The following PIK3R1 variants were observed in gnomAD, a reference collection of about 807,000 sequenced individuals.
PIK3R1 encodes the protein phosphatidylinositol 3-kinase regulatory subunit alpha.
Under a neutral mutation model 98.0 loss-of-function variants are expected in PIK3R1, and 29 were observed. That is an observed-to-expected ratio of 0.30 (90% CI 0.22 to 0.40). The LOEUF (loss-of-function observed/expected upper bound fraction) is 0.40. Ranked by LOEUF, PIK3R1 falls within the 10% of genes least tolerant of loss-of-function variation. PIK3R1 has a pLI of 1.00. For synonymous variants in PIK3R1, 282 were observed against 311.8 expected (o/e 0.90, Z 1.01); for missense variants, 596 against 872.7 (o/e 0.68, Z 3.99).
intron 2 of PIK3R1, among the ~76,000 whole-genome samples, chr5:68,265,961 C>T (rs565725102): frequency 7.2e-5 from 11 of 152,262 alleles, no homozygotes; most frequent in Non-Finnish European, 1.6e-4. Flanking sequence ...TCCATCCAGG[C>T]TTTCTTAAGA....
At chr5:68,227,785 G>A (rs988755814) in intron 2 of PIK3R1, among the ~76,000 whole-genome samples, 2 of 152,164 alleles carry the variant, frequency 1.3e-5, no homozygotes, top group Non-Finnish European at 2.9e-5. Context: ...AGTGTCATTT[G>A]TAGCATTAAT....
chr5:68,221,382 A>C (rs1475373686), intron 1 of PIK3R1, among the ~76,000 whole-genome samples: 3 of 152,100 alleles, frequency 2.0e-5, no homozygotes, highest in African/African-American at 7.2e-5. Flanking sequence ...CTTGACCTAG[A>C]CTCTGAACTA....
chr5:68,290,793 G>A, intron 7 of PIK3R1: 1 of 1,613,444 alleles, frequency 6.2e-7, no homozygotes, highest in Non-Finnish European at 8.5e-7. Flanking sequence ...GATATAAATT[G>A]TGGCACAGAC....
intron 4 of PIK3R1, among the ~76,000 whole-genome samples, chr5:68,275,929 T>A (rs2112174394): frequency 6.6e-6 from 1 of 152,346 alleles, no homozygotes; most frequent in Admixed American, 6.5e-5. Flanking sequence ...GCACCTGTTA[T>A]GCTAGTTCAT....
intron 15 of PIK3R1, 39 bp downstream of exon 15, chr5:68,296,380 T>G: frequency 1.3e-6 from 2 of 1,542,460 alleles, no homozygotes; most frequent in East Asian, 2.3e-5. Context: ...CAACATCTCA[T>G]GAAGAGATGT....
chr5:68,275,452 G>A (rs1746531795), intron 4 of PIK3R1, among the ~76,000 whole-genome samples: 2 of 151,912 alleles, frequency 1.3e-5, no homozygotes, highest in African/African-American at 4.8e-5. Flanking sequence ...CGATGAAGTG[G>A]AAGTTATTTG....
chr5:68,236,017 C>A (rs1382788944), intron 2 of PIK3R1, among the ~76,000 whole-genome samples: 1 of 151,704 alleles, frequency 6.6e-6, no homozygotes, highest in Non-Finnish European at 1.5e-5. Flanking sequence ...ACTACAGGCA[C>A]ATGCTGCCAC....
At chr5:68,229,543 G>C (rs1403524396) in intron 2 of PIK3R1, among the ~76,000 whole-genome samples, 1 of 152,110 alleles carries the variant, frequency 6.6e-6, no homozygotes, top group African/African-American at 2.4e-5. Flanking sequence ...CCCAGGTCTA[G>C]GAACCACATG....
At chr5:68,246,625 TTTA>T (rs1052086814) in intron 2 of PIK3R1, among the ~76,000 whole-genome samples, 4 of 152,156 alleles carry the variant, frequency 2.6e-5, no homozygotes, top group Admixed American at 2.6e-4. Flanking sequence ...GTGTGTCTTT[TTTA>T]TTTTTTGTTT....
intron 2 of PIK3R1, among the ~76,000 whole-genome samples, chr5:68,236,062 G>T (rs1744653587): frequency 6.6e-6 from 1 of 150,860 alleles, no homozygotes; most frequent in African/African-American, 2.4e-5. Flanking sequence ...GTAGAGACAG[G>T]GTTTCACCAT....
At chr5:68,267,625 G>C (rs1173377622) in intron 2 of PIK3R1, among the ~76,000 whole-genome samples, 2 of 151,506 alleles carry the variant, frequency 1.3e-5, no homozygotes, top group African/African-American at 2.4e-5. Flanking sequence ...TTTCAGTTGC[G>C]CATACTTTTT....
chr5:68,217,318 A>T (rs538577779), intron 1 of PIK3R1: 1 of 152,284 alleles, frequency 6.6e-6, no homozygotes, highest in South Asian at 2.1e-4. Flanking sequence ...AGATGGTTAG[A>T]TATTAGCTAG....
At chr5:68,241,253 A>C (rs1744863184) in intron 2 of PIK3R1, among the ~76,000 whole-genome samples, 1 of 152,198 alleles carries the variant, frequency 6.6e-6, no homozygotes, top group Non-Finnish European at 1.5e-5. Flanking sequence ...GTTTAAAAAG[A>C]AGAGTTGATA....
At chr5:68,279,860 A>C in intron 5 of PIK3R1, 127 bp downstream of exon 5, 2 of 849,422 alleles carry the variant, frequency 2.4e-6, no homozygotes, top group Non-Finnish European at 3.6e-6. Flanking sequence ...TCCCCCAACA[A>C]TACCACCTCA....
intron 2 of PIK3R1, among the ~76,000 whole-genome samples, chr5:68,252,485 T>C (rs1245416798): frequency 6.6e-6 from 1 of 152,124 alleles, no homozygotes; most frequent in Non-Finnish European, 1.5e-5. Flanking sequence ...TAAAATGTGG[T>C]TCCAATTTGT....
chr5:68,259,194 TGAA>T (rs553869988), intron 2 of PIK3R1, among the ~76,000 whole-genome samples: 180 of 152,314 alleles, frequency 1.2e-3, no homozygotes, highest in African/African-American at 3.7e-3. Flanking sequence ...AAGAGAGAAA[TGAA>T]GACTATCTGC....
intron 2 of PIK3R1, among the ~76,000 whole-genome samples, chr5:68,262,690 T>C (rs1465241527): frequency 1.7e-3 from 73 of 44,068 alleles, no homozygotes; most frequent in Non-Finnish European, 2.8e-3. Flanking sequence ...TATCTGCATG[T>C]ATACACATGT....
chr5:68,222,797 G>A (rs1303742495), intron 1 of PIK3R1, among the ~76,000 whole-genome samples: 1 of 152,116 alleles, frequency 6.6e-6, no homozygotes, highest in African/African-American at 2.4e-5. Context: ...TGCAGGCCAC[G>A]AACCTGCATC....
intron 15 of PIK3R1, among the ~76,000 whole-genome samples, chr5:68,297,198 T>C (rs1395757144): frequency 6.6e-6 from 1 of 152,250 alleles, no homozygotes; most frequent in Non-Finnish European, 1.5e-5. Context: ...TATTTTACTA[T>C]TGTCTTCCCT....
Sources: allele counts gnomAD v4.1 joint callset (sites outside exome capture counted in the v4.1 genomes callset), GRCh38; gene constraint gnomAD v4.1.1; transcripts MANE v1.5; gene names NCBI Gene and HGNC (gene_info 2026-07-23, HGNC 2026-07-21).